FAR2: variants seen among roughly 807,000 people sequenced by gnomAD.
FAR2 encodes epididymis secretory protein Li 81.
A neutral mutation model predicts 56.0 loss-of-function variants in FAR2; 19 were observed. The ratio of observed to expected loss-of-function variants is 0.34; its 90% CI spans 0.24 to 0.50. The LOEUF (loss-of-function observed/expected upper bound fraction) is 0.50. FAR2 is among the 20% of genes least tolerant of loss of function. The pLI is 0.98. For missense variants in FAR2, 508 were observed against 642.2 expected (o/e 0.79, Z 2.26); for synonymous variants, 219 against 218.8 (o/e 1.00, Z -0.01).
At chr12:29,164,927 G>A (rs1949812401) in intron 1 of FAR2, among the ~76,000 whole-genome samples, 1 of 152,180 alleles carries the variant, frequency 6.6e-6, no homozygotes, top group African/African-American at 2.4e-5. Flanking sequence ...GTTCCTTACA[G>A]AACTATTTAC....
At chr12:29,298,631 G>A (rs2136762768) in intron 4 of FAR2, among the ~76,000 whole-genome samples, 1 of 152,266 alleles carries the variant, frequency 6.6e-6, no homozygotes, top group South Asian at 2.1e-4. Flanking sequence ...AGTTCATCAG[G>A]ATAGTGGGAG....
At chr12:29,268,524 C>T (rs906824934) in intron 1 of FAR2, among the ~76,000 whole-genome samples, 1 of 142,916 alleles carries the variant, frequency 7.0e-6, no homozygotes, top group Non-Finnish European at 1.6e-5. Flanking sequence ...CCTTGCATTG[C>T]AGCCCAAGCT....
chr12:29,172,423 T>C (rs1949896671), intron 1 of FAR2, among the ~76,000 whole-genome samples: 1 of 152,220 alleles, frequency 6.6e-6, no homozygotes, highest in Non-Finnish European at 1.5e-5. Flanking sequence ...ACCACACTGA[T>C]AACAAGCCCT....
intron 1 of FAR2, among the ~76,000 whole-genome samples, chr12:29,245,692 C>A (rs1948115992): frequency 6.6e-6 from 1 of 152,124 alleles, no homozygotes; most frequent in Non-Finnish European, 1.5e-5. Flanking sequence ...AATATCCAGT[C>A]CCTATAAAAA....
chr12:29,240,810 T>A (rs1299542464), intron 1 of FAR2, among the ~76,000 whole-genome samples: 1 of 150,438 alleles, frequency 6.6e-6, no homozygotes, highest in Non-Finnish European at 1.5e-5. Context: ...TATTTTTTTT[T>A]ATATATTTTT....
At chr12:29,188,877 A>G (rs1950072238) in intron 1 of FAR2, among the ~76,000 whole-genome samples, 1 of 151,514 alleles carries the variant, frequency 6.6e-6, no homozygotes. Flanking sequence ...TTCCCCTCAT[A>G]ATTAGGCTCA....
At chr12:29,223,217 A>G (rs1359171382) in intron 1 of FAR2, among the ~76,000 whole-genome samples, 1 of 152,146 alleles carries the variant, frequency 6.6e-6, no homozygotes, top group Non-Finnish European at 1.5e-5. Flanking sequence ...CTCAATTATA[A>G]TATGTCAGGT....
intron 4 of FAR2, among the ~76,000 whole-genome samples, chr12:29,305,822 C>T (rs561795925): frequency 1.3e-5 from 2 of 152,206 alleles, no homozygotes; most frequent in South Asian, 2.1e-4. Flanking sequence ...CAGAAATCTA[C>T]GAAACCAAAA....
At chr12:29,227,245 G>A (rs1478907388) in intron 1 of FAR2, among the ~76,000 whole-genome samples, 1 of 152,094 alleles carries the variant, frequency 6.6e-6, no homozygotes, top group Non-Finnish European at 1.5e-5. Context: ...TTTTATTTAA[G>A]GCATTTTGAC....
intron 10 of FAR2, among the ~76,000 whole-genome samples, chr12:29,326,986 T>C (rs1459856459): frequency 6.6e-6 from 1 of 152,174 alleles, no homozygotes; most frequent in Non-Finnish European, 1.5e-5. Flanking sequence ...GATGACATGA[T>C]TGTTTATCTA....
intron 1 of FAR2, among the ~76,000 whole-genome samples, chr12:29,165,947 G>T (rs1949822785): frequency 6.6e-6 from 1 of 152,210 alleles, no homozygotes; most frequent in Non-Finnish European, 1.5e-5. Context: ...CTGGTAAAAA[G>T]CTTTCTCCTG....
intron 6 of FAR2, 61 bp downstream of exon 6, chr12:29,309,291 C>G (rs6487807): frequency 0.58 from 743,892 of 1,284,050 alleles, 218,980 homozygotes; most frequent in African/African-American, 0.83. Context: ...TAACAAAATT[C>G]TTAGTGCTGG....
At chr12:29,216,525 C>A (rs976280881) in intron 1 of FAR2, among the ~76,000 whole-genome samples, 1 of 152,106 alleles carries the variant, frequency 6.6e-6, no homozygotes, top group African/African-American at 2.4e-5. Flanking sequence ...AAGCCTGATT[C>A]AGAAAGGGAA....
At chr12:29,316,694 A>C in intron 8 of FAR2, 147 bp from the exon 9 acceptor site, 1 of 775,658 alleles carries the variant, frequency 1.3e-6, no homozygotes, top group Non-Finnish European at 2.0e-6. Flanking sequence ...CAGCACAAAA[A>C]TCTTTATATT....
intron 1 of FAR2, among the ~76,000 whole-genome samples, chr12:29,231,268 A>C (rs1202211749): frequency 6.6e-6 from 1 of 152,186 alleles, no homozygotes; most frequent in Non-Finnish European, 1.5e-5. Flanking sequence ...GTGACCAGGC[A>C]GAAGATTAGA....
chr12:29,236,237 T>C (rs1947938883), intron 1 of FAR2, among the ~76,000 whole-genome samples: 1 of 152,158 alleles, frequency 6.6e-6, no homozygotes, highest in Admixed American at 6.6e-5. Flanking sequence ...AATCTGCCAA[T>C]TAAGAGACAT....
intron 2 of FAR2, chr12:29,281,452 T>C (rs1270710554): frequency 6.6e-6 from 1 of 152,172 alleles, no homozygotes; most frequent in Non-Finnish European, 1.5e-5. Flanking sequence ...CTCTGGAAAG[T>C]TCTTCCTTAT....
chr12:29,257,876 C>T (rs1438635396), intron 1 of FAR2, among the ~76,000 whole-genome samples: 1 of 152,210 alleles, frequency 6.6e-6, no homozygotes, highest in African/African-American at 2.4e-5. Flanking sequence ...CAAGAACCCA[C>T]CAATTCCGGC....
intron 1 of FAR2, among the ~76,000 whole-genome samples, chr12:29,219,983 T>G (rs1947666721): frequency 6.6e-6 from 1 of 152,222 alleles, no homozygotes; most frequent in Non-Finnish European, 1.5e-5. Context: ...TATTTTATTT[T>G]GTATTTGATT....
Sources: gnomAD v4.1 joint callset for allele counts (sites outside exome capture counted in the v4.1 genomes callset) on GRCh38, gnomAD v4.1.1 for gene constraint, MANE v1.5 for transcripts, NCBI Gene and HGNC (gene_info 2026-07-23, HGNC 2026-07-21) for gene names.